TMEM178B: variants seen among roughly 807,000 people sequenced by gnomAD.
TMEM178B encodes transmembrane protein 178B.
In TMEM178B, 5 loss-of-function variants were observed where a neutral mutation model predicts 31.0. That is an observed-to-expected ratio of 0.16 (90% CI 0.08 to 0.34). The LOEUF (loss-of-function observed/expected upper bound fraction) is 0.34. TMEM178B is among the 10% of genes least tolerant of loss of function. The probability of loss-of-function intolerance (pLI) is 1.00; values close to 1 mark genes in which losing one functional copy is unlikely to be tolerated. For synonymous variants in TMEM178B, 164 were observed against 164.0 expected, an observed-to-expected ratio of 1.00 and a Z score of 0.00; for missense variants, 275 against 400.3, an observed-to-expected ratio of 0.69 and a Z score of 2.67.
At chr7:141,226,503 G>T (rs537949281) in intron 2 of TMEM178B, among the ~76,000 whole-genome samples, 1 of 152,124 alleles carries the variant, frequency 6.6e-6, no homozygotes, top group Non-Finnish European at 1.5e-5. Context: ...TTTCATAGGT[G>T]AGGTCTCAAA....
At chr7:141,376,282 T>G (rs1486389195) in intron 2 of TMEM178B, among the ~76,000 whole-genome samples, 1 of 152,230 alleles carries the variant, frequency 6.6e-6, no homozygotes, top group Admixed American at 6.5e-5. Flanking sequence ...ATTATTGGTT[T>G]AGGCAAGTAT....
At chr7:141,510,901 G>A in the TMEM178B span, among the ~76,000 whole-genome samples, 2 of 152,088 alleles carry the variant, frequency 1.3e-5, no homozygotes, top group East Asian at 3.9e-4. Context: ...GACAACTGGG[G>A]GTACATGGAA....
rs1802451058 is a variant in TMEM178B at position 141,480,320 on chromosome 7, A to G, written c.*9534A>G. On this transcript the variant is annotated 3_prime_UTR_variant, in exon 4 of 4. Coordinates refer to ENST00000565468, the MANE Select transcript of TMEM178B (RefSeq NM_001195278.2). ...TCATGGAAAAAATAAATAATCTGTC[A>G]GTTGTGGAATGTAAACTGATTAAAC... is the stretch of plus-strand genomic sequence containing the variant. 1 of 152,220 alleles carries G rather than the reference A, an allele frequency of 6.6e-6. No individual in the cohort carries two copies. The highest frequency in any genetic ancestry group is 2.1e-4 in the South Asian group (1 of 4,836). The allele number at this position is 152,220 out of a possible 1,614,324, so 9.4% of individuals were successfully genotyped here.
chr7:141,426,831 TA>T (rs1376506912), intron 2 of TMEM178B, among the ~76,000 whole-genome samples: 21 of 152,136 alleles, frequency 1.4e-4, no homozygotes, highest in African/African-American at 4.6e-4. Context: ...TTATTATAAC[TA>T]ATAAACTAAT....
intron 2 of TMEM178B, among the ~76,000 whole-genome samples, chr7:141,315,339 TA>T (rs1353514728): frequency 6.6e-6 from 1 of 152,110 alleles, no homozygotes; most frequent in African/African-American, 2.4e-5. Context: ...GGGCCATCAT[TA>T]AAAAACTCTG....
intron 2 of TMEM178B, among the ~76,000 whole-genome samples, chr7:141,261,348 C>T (rs1321124444): frequency 6.6e-6 from 1 of 151,882 alleles, no homozygotes; most frequent in African/African-American, 2.4e-5. Context: ...AGCCATTTGA[C>T]TTTGCTACCC....
chr7:141,298,712 T>C (rs1218588603), intron 2 of TMEM178B, among the ~76,000 whole-genome samples: 1 of 152,202 alleles, frequency 6.6e-6, no homozygotes, highest in Non-Finnish European at 1.5e-5. Context: ...TTCTAGTACC[T>C]CTTAGAGGGA....
chr7:141,264,512 G>C (rs537219862), intron 2 of TMEM178B, among the ~76,000 whole-genome samples: 12 of 152,252 alleles, frequency 7.9e-5, no homozygotes, highest in Non-Finnish European at 1.5e-4. Context: ...GGGTGAGGAA[G>C]TGACTGTAGC....
At chr7:141,190,521 G>A (rs1796680235) in intron 1 of TMEM178B, among the ~76,000 whole-genome samples, 1 of 151,752 alleles carries the variant, frequency 6.6e-6, no homozygotes, top group South Asian at 2.1e-4. Flanking sequence ...ATGTTGCCCA[G>A]GCTGGTCTTG....
chr7:141,118,126 G>T (rs1266308966), intron 1 of TMEM178B, among the ~76,000 whole-genome samples: 1 of 152,202 alleles, frequency 6.6e-6, no homozygotes, highest in Non-Finnish European at 1.5e-5. Context: ...GGTGGGACTC[G>T]ATCAGCACTG....
chr7:141,469,502 A>G (rs1252921617), intron 3 of TMEM178B, among the ~76,000 whole-genome samples: 2 of 152,212 alleles, frequency 1.3e-5, no homozygotes, highest in Non-Finnish European at 2.9e-5. Context: ...AATAATAAAT[A>G]TAAAATTGAA....
chr7:141,112,888 A>G (rs1469187210), intron 1 of TMEM178B, among the ~76,000 whole-genome samples: 1 of 152,200 alleles, frequency 6.6e-6, no homozygotes, highest in Non-Finnish European at 1.5e-5. Flanking sequence ...TATTTCATTT[A>G]TCTTACTCCT....
the TMEM178B span, among the ~76,000 whole-genome samples, chr7:141,489,437 A>T: frequency 3.5e-4 from 53 of 152,166 alleles, no homozygotes; most frequent in Non-Finnish European, 5.9e-4. Context: ...GAATTTCCTT[A>T]TCAGAGCCAT....
chr7:141,464,364 G>A (rs1163892804), intron 3 of TMEM178B, among the ~76,000 whole-genome samples: 1 of 152,080 alleles, frequency 6.6e-6, no homozygotes, highest in African/African-American at 2.4e-5. Flanking sequence ...ACTTGGGAGG[G>A]AACCTTACAG....
Position 141,158,871 on chromosome 7 carries a change from G to A in TMEM178B, c.383-53720G>A, listed in dbSNP as rs115188655. 5.0e-3 allele frequency among the ~76,000 whole-genome samples: 755 copies of A among 152,234 alleles called. 4 individuals are homozygous for A. Among genetic ancestry groups the A allele is most frequent in the African/African-American group, 0.017 (723 of 41,530 alleles). On this transcript the variant is annotated intron_variant, in intron 1 of 3. Transcript: ENST00000565468. Reference sequence around the variant, plus strand: ...GTGACCTCTTGATGAGTCACTTTCTGTTCTTGAGGAGGCAGACAGGGAGCC... The same window carrying A: ...GTGACCTCTTGATGAGTCACTTTCTATTCTTGAGGAGGCAGACAGGGAGCC...
chr7:141,351,328 C>T (rs1352375959), intron 2 of TMEM178B, among the ~76,000 whole-genome samples: 2 of 152,264 alleles, frequency 1.3e-5, no homozygotes, highest in Non-Finnish European at 2.9e-5. Flanking sequence ...CATGCATTTA[C>T]AGTCAGCTGA....
the TMEM178B span, among the ~76,000 whole-genome samples, chr7:141,501,403 T>G: frequency 6.6e-6 from 1 of 152,110 alleles, no homozygotes; most frequent in Admixed American, 6.5e-5. Context: ...CTCCACATTT[T>G]ATAGTCTTCT....
At chr7:141,112,041 TG>T (rs1795242316) in intron 1 of TMEM178B, among the ~76,000 whole-genome samples, 1 of 152,176 alleles carries the variant, frequency 6.6e-6, no homozygotes, top group Non-Finnish European at 1.5e-5. Context: ...TTATTTTTCC[TG>T]CTATTTGCTT....
intron 2 of TMEM178B, among the ~76,000 whole-genome samples, chr7:141,421,515 A>G (rs1236980803): frequency 6.6e-6 from 1 of 152,206 alleles, no homozygotes; most frequent in African/African-American, 2.4e-5. Context: ...AGCACAGTGA[A>G]TAAAAGCGTG....
Sources: gnomAD v4.1 joint callset for allele counts (sites outside exome capture counted in the v4.1 genomes callset) on GRCh38, gnomAD v4.1.1 for gene constraint, MANE v1.5 for transcripts, NCBI Gene and HGNC (gene_info 2026-07-23, HGNC 2026-07-21) for gene names.